The following LYPD6B variants were observed in gnomAD, a reference collection of about 807,000 sequenced individuals.
LYPD6B encodes the protein ly6/PLAUR domain-containing protein 6B.
A neutral mutation model predicts 22.8 loss-of-function variants in LYPD6B; 17 were observed. The ratio of observed to expected loss-of-function variants is 0.75; its 90% CI spans 0.51 to 1.12. The LOEUF (loss-of-function observed/expected upper bound fraction) is 1.12. Ranked by LOEUF, LYPD6B falls within the 50% of genes most tolerant of loss-of-function variation. The pLI, the probability that LYPD6B is intolerant of heterozygous loss-of-function variation, is 0.00. For synonymous variants in LYPD6B, 106 were observed against 91.6 expected, an observed-to-expected ratio of 1.16 and a Z score of -0.90; for missense variants, 221 against 258.3, an observed-to-expected ratio of 0.86 and a Z score of 0.99.
intron 3 of LYPD6B, among the ~76,000 whole-genome samples, chr2:149,166,768 A>G (rs749951666): frequency 3.9e-5 from 6 of 151,908 alleles, no homozygotes; most frequent in Non-Finnish European, 7.4e-5. Context: ...CCTAATATGG[A>G]CTCCAGCTAG....
intron 1 of LYPD6B, among the ~76,000 whole-genome samples, chr2:149,072,521 T>TATTTTATTTTATTTCATTTC (rs1684666934): frequency 7.0e-6 from 1 of 143,562 alleles, no homozygotes; most frequent in African/African-American, 2.7e-5. Context: ...TATTTTATTT[T>TATTTTATTTTATTTCATTTC]ATTTTATTTT....
chr2:149,059,200 C>T (rs189677043), intron 1 of LYPD6B, among the ~76,000 whole-genome samples: 16 of 152,312 alleles, frequency 1.1e-4, no homozygotes, highest in Non-Finnish European at 1.9e-4. Flanking sequence ...TAAGTCTTTT[C>T]GACCCCATAT....
At chr2:149,050,444 C>A (rs922860) in intron 1 of LYPD6B, among the ~76,000 whole-genome samples, 1 of 152,112 alleles carries the variant, frequency 6.6e-6, no homozygotes, top group African/African-American at 2.4e-5. Flanking sequence ...TCATTGGTAT[C>A]GTGTTGAAAA....
chr2:149,054,600 T>A (rs1683705632), intron 1 of LYPD6B, among the ~76,000 whole-genome samples: 1 of 152,198 alleles, frequency 6.6e-6, no homozygotes, highest in Non-Finnish European at 1.5e-5. Flanking sequence ...AGGTTTTAAT[T>A]TTGACCAGTG....
chr2:149,068,032 G>T (rs1034106458), intron 1 of LYPD6B, among the ~76,000 whole-genome samples: 6 of 152,200 alleles, frequency 3.9e-5, no homozygotes, highest in Non-Finnish European at 8.8e-5. Flanking sequence ...CCACTGTGAA[G>T]ATGGAGGTTT....
Position 149,077,123 on chromosome 2 carries a change from G to C in LYPD6B, c.-67+38322G>C, listed in dbSNP as rs889669357. Among the ~76,000 whole-genome samples the C allele has an allele frequency of 3.8e-4, 58 of 152,346 alleles. 1 individual carries two copies. In the South Asian group the frequency reaches 6.8e-3, roughly 18 times the overall value. ...TCTGTTAGAATGCATGGCCATGGAC[G>C]ACTTGGTGACCAGTGGCCTGTAAAA... On this transcript the variant is annotated intron_variant, in intron 1 of 6. Coordinates refer to ENST00000409642, the MANE Select transcript of LYPD6B (RefSeq NM_177964.5).
At chr2:149,096,933 T>TA (rs1421815010) in intron 1 of LYPD6B, among the ~76,000 whole-genome samples, 2 of 152,226 alleles carry the variant, frequency 1.3e-5, no homozygotes, top group African/African-American at 4.8e-5. Context: ...CAGTTGTTTT[T>TA]ATAGGAATAT....
intron 3 of LYPD6B, among the ~76,000 whole-genome samples, chr2:149,165,717 T>TTCCCTCG (rs1690373706): frequency 6.6e-6 from 1 of 152,190 alleles, no homozygotes; most frequent in African/African-American, 2.4e-5. Flanking sequence ...GTCATACAGC[T>TTCCCTCG]AAGTCGTAGA....
At chr2:149,211,684 C>G (rs545139382) in intron 5 of LYPD6B, among the ~76,000 whole-genome samples, 7 of 151,998 alleles carry the variant, frequency 4.6e-5, no homozygotes, top group Admixed American at 1.3e-4. Flanking sequence ...ACTTGCTCAC[C>G]TATGACAAAG....
chr2:149,074,356 G>C (rs1684786160), intron 1 of LYPD6B, among the ~76,000 whole-genome samples: 2 of 152,104 alleles, frequency 1.3e-5, no homozygotes, highest in African/African-American at 4.8e-5. Context: ...CTTCTAGATA[G>C]ATCTAAAACA....
intron 1 of LYPD6B, among the ~76,000 whole-genome samples, chr2:149,106,648 AT>A (rs1297107212): frequency 6.6e-6 from 1 of 151,960 alleles, no homozygotes; most frequent in Non-Finnish European, 1.5e-5. Context: ...CCTTTTTGAT[AT>A]TGATAATTTG....
chr2:149,046,152 T>A (rs985858286), intron 1 of LYPD6B, among the ~76,000 whole-genome samples: 4 of 152,210 alleles, frequency 2.6e-5, no homozygotes, highest in African/African-American at 4.8e-5. Flanking sequence ...TGTCCCTCTG[T>A]ATTTCTGTTA....
At chr2:149,145,787 G>A (rs780978017) in intron 2 of LYPD6B, among the ~76,000 whole-genome samples, 12 of 152,152 alleles carry the variant, frequency 7.9e-5, no homozygotes, top group Non-Finnish European at 1.5e-4. Flanking sequence ...ACAGAGTGGT[G>A]ACCCAGTGAA....
At chr2:149,080,309 G>A (rs765970806) in intron 1 of LYPD6B, among the ~76,000 whole-genome samples, 3 of 152,160 alleles carry the variant, frequency 2.0e-5, no homozygotes, top group Non-Finnish European at 4.4e-5. Context: ...GCCACCAGTC[G>A]TGTTGGATCA....
chr2:149,214,075 T>C (rs1442538188), intron 6 of LYPD6B, among the ~76,000 whole-genome samples: 1 of 152,156 alleles, frequency 6.6e-6, no homozygotes, highest in East Asian at 1.9e-4. Context: ...CAACCATAAT[T>C]AGTAAACCAT....
rs147441899 is a variant in LYPD6B, at chr2:149,156,457, C to G, written c.6-4307C>G. Among the ~76,000 whole-genome samples, 201 of 152,288 alleles carry G rather than the reference C, an allele frequency of 1.3e-3. 1 individual carries two copies. The highest frequency in any genetic ancestry group is 4.7e-3 in the African/African-American group (195 of 41,556). ...CTCAGCCTTCCATAACAAAGCACCA[C>G]AGATGATGTGGCTTAAACAAGAGAA... On this transcript the variant is annotated intron_variant, in intron 2 of 6. Coordinates refer to ENST00000409642, the MANE Select transcript of LYPD6B (RefSeq NM_177964.5).
chr2:149,107,097 A>C (rs1201846521), intron 1 of LYPD6B, among the ~76,000 whole-genome samples: 1 of 152,220 alleles, frequency 6.6e-6, no homozygotes, highest in Non-Finnish European at 1.5e-5. Context: ...AACAATTATA[A>C]GAATATACTA....
chr2:149,153,198 A>G (rs1689482437), intron 2 of LYPD6B, among the ~76,000 whole-genome samples: 1 of 152,184 alleles, frequency 6.6e-6, no homozygotes, highest in Non-Finnish European at 1.5e-5. Flanking sequence ...TGAATTAATG[A>G]ATAAATCCCA....
intron 1 of LYPD6B, among the ~76,000 whole-genome samples, chr2:149,115,591 G>A (rs1039668295): frequency 2.0e-5 from 3 of 152,160 alleles, no homozygotes; most frequent in Non-Finnish European, 4.4e-5. Flanking sequence ...AGACCTGTTA[G>A]GACTCTCTTC....
Sources: gnomAD v4.1 joint callset for allele counts (sites outside exome capture counted in the v4.1 genomes callset) on GRCh38, gnomAD v4.1.1 for gene constraint, MANE v1.5 for transcripts, NCBI Gene and HGNC (gene_info 2026-07-23, HGNC 2026-07-21) for gene names.